FGGY: variants seen among roughly 807,000 people sequenced by gnomAD.
FGGY encodes the protein FGGY carbohydrate kinase domain containing, also known as FGGY carbohydrate kinase domain-containing protein.
FGGY carries 72 observed loss-of-function variants against 71.3 expected under a neutral mutation model. The observed-to-expected ratio is 1.01, with a 90% CI of 0.84 to 1.23. The LOEUF (loss-of-function observed/expected upper bound fraction) is 1.23. FGGY is among the 50% of genes most tolerant of loss of function. The probability of loss-of-function intolerance (pLI) is 0.00; values close to 1 mark genes in which losing one functional copy is unlikely to be tolerated. For missense variants in FGGY, 668 were observed against 682.3 expected (o/e 0.98, Z 0.23); for synonymous variants, 251 against 250.3 (o/e 1.00, Z -0.02).
intron 7 of FGGY, among the ~76,000 whole-genome samples, chr1:59,537,111 C>T (rs1312561789): frequency 6.6e-6 from 1 of 150,454 alleles, no homozygotes; most frequent in African/African-American, 2.5e-5. Flanking sequence ...TTGTCTCAGC[C>T]CAAAATCTCC....
rs781638004 is a variant in FGGY at position 59,607,888 on chromosome 1, G to C, written c.989G>C (p.Gly330Ala). Residue 330 changes from glycine to alanine, a missense_variant, in exon 9 of 16, where the codon GGT becomes GCT. Gly to Ala is a moderately conservative substitution (Grantham distance 60). Coordinates refer to ENST00000303721, the MANE Select transcript of FGGY (RefSeq NM_018291.5). ...CCTGGGTTCTGGCTGAATGAAGGTG[G>C]TCAGAGCGTTACTGGAAAATTGGTA... is the stretch of plus-strand genomic sequence containing the variant. ...MVPGFWLNEG[G>A]QSVTGKLIDH... 2 of 1,614,028 alleles carry C rather than the reference G, an allele frequency of 1.2e-6. No homozygotes were observed. Among genetic ancestry groups the C allele is most frequent in the African/African-American group, 2.7e-5 (2 of 75,044 alleles).
At position 59,309,613 on chromosome 1, in the gene FGGY, G is replaced by A. The variant is rs563089425; in HGVS notation, c.-14-11923G>A. ...TACTTTTGACAGAGCCATGTTTGTG[G>A]AATGGTCAAGTCTAATGTTTAATCT... On this transcript the variant is annotated intron_variant, in intron 1 of 15. Transcript: ENST00000303721. 5.3e-5 allele frequency among the ~76,000 whole-genome samples: 8 copies of A among 152,314 alleles called. No homozygotes were observed. The South Asian group carries it at 1.7e-3, about 32-fold the overall frequency.
At chr1:59,590,060 A>G (rs891320625) in intron 8 of FGGY, among the ~76,000 whole-genome samples, 15 of 152,210 alleles carry the variant, frequency 9.9e-5, no homozygotes, top group African/African-American at 3.4e-4. Context: ...TAAAGAAGAA[A>G]AGAGAGAAGA....
chr1:59,615,803 T>C (rs376103185), intron 9 of FGGY, among the ~76,000 whole-genome samples: 6 of 151,856 alleles, frequency 4.0e-5, no homozygotes, highest in Admixed American at 2.6e-4. Flanking sequence ...TTCACAAGAA[T>C]AAAAGAAACA....
intron 15 of FGGY, among the ~76,000 whole-genome samples, chr1:59,761,211 G>A (rs2098337987): frequency 6.6e-6 from 1 of 152,152 alleles, no homozygotes; most frequent in African/African-American, 2.4e-5. Flanking sequence ...CACAGCTAAT[G>A]TTAGGCCACA....
chr1:59,556,891 G>C (rs2095695720), intron 8 of FGGY, among the ~76,000 whole-genome samples: 1 of 152,168 alleles, frequency 6.6e-6, no homozygotes, highest in Non-Finnish European at 1.5e-5. Context: ...CGATGAATGA[G>C]GGCCATAAAA....
At chr1:59,742,695 G>A (rs866760531) in intron 14 of FGGY, among the ~76,000 whole-genome samples, 8 of 150,140 alleles carry the variant, frequency 5.3e-5, no homozygotes, top group South Asian at 2.1e-4. Context: ...GTTCCCATAC[G>A]TGGCACTATC....
At chr1:59,341,160 G>C (rs1365866776) in intron 3 of FGGY, among the ~76,000 whole-genome samples, 2 of 152,076 alleles carry the variant, frequency 1.3e-5, no homozygotes, top group Non-Finnish European at 2.9e-5. Flanking sequence ...TGACACCTTG[G>C]GCAAGCCACT....
intron 2 of FGGY, among the ~76,000 whole-genome samples, chr1:59,332,881 C>G (rs560255385): frequency 6.6e-6 from 1 of 152,250 alleles, no homozygotes; most frequent in African/African-American, 2.4e-5. Context: ...GCATGCTGTG[C>G]TTTGTACATA....
intron 5 of FGGY, among the ~76,000 whole-genome samples, chr1:59,447,579 T>C (rs1328045294): frequency 1.3e-5 from 2 of 152,218 alleles, no homozygotes; most frequent in Non-Finnish European, 2.9e-5. Flanking sequence ...CCATGTGTTA[T>C]GGGAGGGACC....
intron 6 of FGGY, among the ~76,000 whole-genome samples, chr1:59,487,703 C>T (rs1011671550): frequency 1.3e-5 from 2 of 151,852 alleles, no homozygotes; most frequent in African/African-American, 4.8e-5. Flanking sequence ...TCCAGAAATA[C>T]TTGATCTCTT....
At chr1:59,455,362 A>G (rs985979989) in intron 5 of FGGY, among the ~76,000 whole-genome samples, 10 of 152,218 alleles carry the variant, frequency 6.6e-5, no homozygotes, top group African/African-American at 2.2e-4. Context: ...TGTTCCAGGA[A>G]GAATGAAGCA....
intron 2 of FGGY, among the ~76,000 whole-genome samples, chr1:59,337,568 G>A (rs2049848505): frequency 6.6e-6 from 1 of 152,108 alleles, no homozygotes; most frequent in African/African-American, 2.4e-5. Flanking sequence ...ATCCAGTCCA[G>A]TTGATATCTA....
intron 14 of FGGY, among the ~76,000 whole-genome samples, chr1:59,685,896 A>G (rs2097540306): frequency 6.6e-6 from 1 of 152,246 alleles, no homozygotes; most frequent in African/African-American, 2.4e-5. Flanking sequence ...TCAGGCAACC[A>G]AGGCAAAACT....
At chr1:59,346,474 G>A in intron 4 of FGGY, 76 bp downstream of exon 4, 1 of 1,512,144 alleles carries the variant, frequency 6.6e-7, no homozygotes, top group Non-Finnish European at 9.0e-7. Flanking sequence ...TAGGTACCAG[G>A]CACCCTGCTA....
intron 5 of FGGY, among the ~76,000 whole-genome samples, chr1:59,400,330 C>T (rs2061794158): frequency 6.6e-6 from 1 of 152,172 alleles, no homozygotes; most frequent in African/African-American, 2.4e-5. Context: ...TGCTTACCAC[C>T]TACCTTAAAG....
intron 8 of FGGY, among the ~76,000 whole-genome samples, chr1:59,559,912 T>C (rs1159010623): frequency 1.3e-5 from 2 of 152,208 alleles, no homozygotes; most frequent in Non-Finnish European, 2.9e-5. Flanking sequence ...ACATCTCCCA[T>C]GCAGAAAGAT....
chr1:59,330,405 C>G (rs141520678), intron 2 of FGGY, among the ~76,000 whole-genome samples: 2,678 of 152,040 alleles, frequency 0.018, 74 homozygotes, highest in African/African-American at 0.061. Flanking sequence ...CTTGTTTTTA[C>G]TAAAAATACA....
chr1:59,744,607 GA>G (rs1399820969), intron 14 of FGGY, among the ~76,000 whole-genome samples: 1 of 152,186 alleles, frequency 6.6e-6, no homozygotes, highest in Non-Finnish European at 1.5e-5. Flanking sequence ...TCTGACATCG[GA>G]CAATGAAGAA....
Sources: allele counts gnomAD v4.1 joint callset (sites outside exome capture counted in the v4.1 genomes callset), GRCh38; gene constraint gnomAD v4.1.1; transcripts MANE v1.5; gene names NCBI Gene and HGNC (gene_info 2026-07-23, HGNC 2026-07-21).